The following PIP5K1B variants were observed in gnomAD, a reference collection of about 807,000 sequenced individuals.
The protein encoded by PIP5K1B is phosphatidylinositol-4-phosphate 5-kinase type 1 beta, also known as phosphatidylinositol 4-phosphate 5-kinase type-1 beta.
In PIP5K1B, 42 loss-of-function variants were observed where a neutral mutation model predicts 67.0. The observed-to-expected ratio is 0.63, with a 90% CI of 0.49 to 0.81. The LOEUF (loss-of-function observed/expected upper bound fraction) is 0.81. PIP5K1B is among the 30% of genes least tolerant of loss of function. PIP5K1B has a pLI of 0.00. For synonymous variants in PIP5K1B, 214 were observed against 231.4 expected (o/e 0.92, Z 0.68); for missense variants, 459 against 646.3 (o/e 0.71, Z 3.14).
chr9:68,976,377 T>TC (rs2132859243), intron 14 of PIP5K1B, among the ~76,000 whole-genome samples: 1 of 152,322 alleles, frequency 6.6e-6, no homozygotes, highest in South Asian at 2.1e-4. Context: ...CAAGACCTGA[T>TC]CAAATCCAAA....
chr9:68,716,592 G>T (rs888213072), intron 1 of PIP5K1B, among the ~76,000 whole-genome samples: 3 of 152,276 alleles, frequency 2.0e-5, no homozygotes, highest in East Asian at 1.9e-4. Context: ...ACATAGGCTG[G>T]CAAGGTTCAG....
chr9:68,808,409 C>T (rs1339562668), intron 2 of PIP5K1B, among the ~76,000 whole-genome samples: 2 of 152,142 alleles, frequency 1.3e-5, no homozygotes, highest in Non-Finnish European at 1.5e-5. Context: ...CCAGCTTCCC[C>T]ACCACCCCGA....
intron 8 of PIP5K1B, among the ~76,000 whole-genome samples, chr9:68,916,662 A>G (rs1387507682): frequency 3.3e-5 from 5 of 152,116 alleles, no homozygotes; most frequent in Admixed American, 2.6e-4. Context: ...TCATGGGGTC[A>G]TGGGTTCGAG....
chr9:68,959,087 C>G (rs571621789), intron 14 of PIP5K1B, among the ~76,000 whole-genome samples: 1 of 152,230 alleles, frequency 6.6e-6, no homozygotes, highest in South Asian at 2.1e-4. Flanking sequence ...AATTGTGAAC[C>G]AAGTTCCAGT....
At chr9:68,796,656 A>AC (rs1444008415) in intron 2 of PIP5K1B, among the ~76,000 whole-genome samples, 1 of 152,196 alleles carries the variant, frequency 6.6e-6, no homozygotes, top group African/African-American at 2.4e-5. Flanking sequence ...AACCAGAGCA[A>AC]CCCGTAATTC....
At chr9:68,758,564 G>A (rs1312868405) in intron 2 of PIP5K1B, among the ~76,000 whole-genome samples, 2 of 151,976 alleles carry the variant, frequency 1.3e-5, no homozygotes, top group African/African-American at 2.4e-5. Flanking sequence ...TGTACAATAC[G>A]AACAACAACG....
rs992944920 is a variant in PIP5K1B at position 68,828,663 on chromosome 9, A to G, written c.69+5980A>G. 3.9e-5 allele frequency among the ~76,000 whole-genome samples: 6 copies of G among 152,350 alleles called. No homozygotes were observed. In the East Asian group the frequency reaches 9.6e-4, roughly 24 times the overall value. ...TCAGAGACACTTTGATCTAAAAGGA[A>G]GTATTTCTTTAAATACAGGGTCTTT... On this transcript the variant is annotated intron_variant, in intron 4 of 15. Transcript: ENST00000265382.
At chr9:68,867,848 T>C (rs918119032) in intron 5 of PIP5K1B, among the ~76,000 whole-genome samples, 25 of 152,192 alleles carry the variant, frequency 1.6e-4, no homozygotes, top group African/African-American at 6.0e-4. Context: ...AACGAGTCTA[T>C]CTGGGTCATA....
At chr9:68,800,021 T>C (rs1393696998) in intron 2 of PIP5K1B, among the ~76,000 whole-genome samples, 1 of 152,200 alleles carries the variant, frequency 6.6e-6, no homozygotes, top group Non-Finnish European at 1.5e-5. Context: ...AGGGAACCCC[T>C]ACAACCCAAT....
intron 2 of PIP5K1B, among the ~76,000 whole-genome samples, chr9:68,758,201 G>A (rs1351188946): frequency 6.6e-6 from 1 of 152,116 alleles, no homozygotes; most frequent in African/African-American, 2.4e-5. Flanking sequence ...TGTTCCAAAT[G>A]TCTAGGATAC....
intron 2 of PIP5K1B, among the ~76,000 whole-genome samples, chr9:68,778,638 C>CT (rs1206473085): frequency 6.6e-6 from 1 of 152,190 alleles, no homozygotes; most frequent in Non-Finnish European, 1.5e-5. Flanking sequence ...TGAATTCATC[C>CT]TTCTGCCTCC....
intron 5 of PIP5K1B, among the ~76,000 whole-genome samples, chr9:68,875,366 T>A (rs141471304): frequency 7.2e-4 from 106 of 146,556 alleles, no homozygotes; most frequent in African/African-American, 2.5e-3. Flanking sequence ...ACTAGTTGCG[T>A]TGGTTATATT....
chr9:68,709,437 T>C (rs561947058), intron 1 of PIP5K1B, among the ~76,000 whole-genome samples: 1 of 152,280 alleles, frequency 6.6e-6, no homozygotes, highest in Admixed American at 6.5e-5. Context: ...TGCACCATGT[T>C]GCCTAGGCTG....
intron 6 of PIP5K1B, among the ~76,000 whole-genome samples, chr9:68,888,098 C>T (rs1356222798): frequency 6.6e-6 from 1 of 152,128 alleles, no homozygotes. Flanking sequence ...TCTGCCTCAG[C>T]CTCCCGAGTA....
chr9:68,913,997 A>G (rs1303728640), intron 8 of PIP5K1B, among the ~76,000 whole-genome samples: 1 of 152,094 alleles, frequency 6.6e-6, no homozygotes, highest in Non-Finnish European at 1.5e-5. Context: ...AGGCCTGTTC[A>G]TGGGCCGGGA....
chr9:68,940,478 A>G (rs1309302472), intron 13 of PIP5K1B, among the ~76,000 whole-genome samples, 168 bp from the exon 14 acceptor site: 1 of 152,156 alleles, frequency 6.6e-6, no homozygotes, highest in Non-Finnish European at 1.5e-5. Flanking sequence ...GCAAGAAGCT[A>G]TTTTACATTT....
chr9:68,956,679 A>G (rs1482928684), intron 14 of PIP5K1B, among the ~76,000 whole-genome samples: 6 of 152,240 alleles, frequency 3.9e-5, no homozygotes, highest in African/African-American at 1.4e-4. Flanking sequence ...TATAAATCTC[A>G]TCACTTTCCA....
rs1827614010 is a variant in PIP5K1B at position 68,715,908 on chromosome 9, G to T, written c.-243+10146G>T. Among the ~76,000 whole-genome samples, 3 of 152,146 alleles carry T rather than the reference G, an allele frequency of 2.0e-5. No homozygotes were observed. The South Asian group carries it at 6.2e-4, about 32-fold the overall frequency. ...GCTGCAGGTATTATCCCCAAGGAAG[G>T]TTGCCCCAAAGGCATGATATAAAAT... On this transcript the variant is annotated intron_variant, in intron 1 of 15. Coordinates refer to ENST00000265382, the MANE Select transcript of PIP5K1B (RefSeq NM_003558.4).
intron 2 of PIP5K1B, among the ~76,000 whole-genome samples, chr9:68,792,570 T>C (rs1379373828): frequency 6.6e-6 from 1 of 151,990 alleles, no homozygotes; most frequent in Non-Finnish European, 1.5e-5. Context: ...AGCTCCGCCT[T>C]CCAGGTTCAG....
Sources: allele counts gnomAD v4.1 joint callset (sites outside exome capture counted in the v4.1 genomes callset), GRCh38; gene constraint gnomAD v4.1.1; transcripts MANE v1.5; gene names NCBI Gene and HGNC (gene_info 2026-07-23, HGNC 2026-07-21).